Variants in GUCY1A2 observed in about 807,000 individuals in gnomAD.
GUCY1A2 encodes guanylate cyclase soluble subunit alpha-2.
A neutral mutation model predicts 63.5 loss-of-function variants in GUCY1A2; 27 were observed. The observed-to-expected ratio is 0.43, with a 90% CI of 0.31 to 0.59. The LOEUF (loss-of-function observed/expected upper bound fraction) is 0.59, where lower values mean the gene tolerates loss of function less well. Among genes scored for constraint, GUCY1A2 ranks in the 20% least tolerant of loss-of-function variants. The pLI is 0.11. For missense variants in GUCY1A2, 768 were observed against 913.3 expected (o/e 0.84, Z 2.05); for synonymous variants, 364 against 343.5 (o/e 1.06, Z -0.66).
chr11:106,905,502 T>C lies in GUCY1A2; in HGVS notation c.1206+33958A>G, dbSNP rs577714696. On this transcript the variant is annotated intron_variant, in intron 4 of 7. Coordinates refer to ENST00000526355, the MANE Select transcript of GUCY1A2 (RefSeq NM_000855.3). Reference sequence around the variant, plus strand: ...ACTTCTTTAAAGTCCTTATCTCCAATACAGTTACATGAAGGGTACGCCTTC... The same window carrying C: ...ACTTCTTTAAAGTCCTTATCTCCAACACAGTTACATGAAGGGTACGCCTTC... Among the ~76,000 whole-genome samples the C allele has an allele frequency of 1.7e-4, 26 of 152,170 alleles. No individual in the cohort carries two copies. The South Asian group carries it at 3.9e-3, about 23-fold the overall frequency.
chr11:106,866,871 C>T (rs1359799264), intron 4 of GUCY1A2, among the ~76,000 whole-genome samples: 1 of 151,904 alleles, frequency 6.6e-6, no homozygotes, highest in Non-Finnish European at 1.5e-5. Context: ...AATTATGTTG[C>T]CATTAGTTGA....
chr11:106,802,708 C>T (rs1478280380), intron 5 of GUCY1A2, among the ~76,000 whole-genome samples: 7 of 152,080 alleles, frequency 4.6e-5, no homozygotes, highest in Non-Finnish European at 8.8e-5. Flanking sequence ...CTCTTCCTAG[C>T]TTACAAGTGG....
At chr11:106,842,593 A>G (rs1048993405) in intron 4 of GUCY1A2, among the ~76,000 whole-genome samples, 1 of 152,030 alleles carries the variant, frequency 6.6e-6, no homozygotes, top group Non-Finnish European at 1.5e-5. Flanking sequence ...GAAAGGACAA[A>G]ATGAACATCA....
chr11:106,957,009 C>T (rs558734526), intron 3 of GUCY1A2, among the ~76,000 whole-genome samples: 2 of 152,148 alleles, frequency 1.3e-5, no homozygotes, highest in Admixed American at 6.5e-5. Flanking sequence ...CAGGGAAGCC[C>T]CGCCCACTGA....
Position 106,810,451 on chromosome 11 carries a change from G to T in GUCY1A2, c.1234C>A (p.His412Asn). Residue 412 changes from histidine (H) to asparagine (N), a missense_variant, in exon 5 of 8, where the codon CAT becomes AAT. By Grantham distance (68) the His-to-Asn change is moderately conservative. Around this residue, in one of 3 missense-constraint regions of GUCY1A2, gnomAD observed 122 missense variants for 238.1 expected, o/e 0.51. Coordinates refer to ENST00000526355, the MANE Select transcript of GUCY1A2 (RefSeq NM_000855.3). ...KVMEVKGQMI[H>N]VPESNSILFL... is the part of the protein sequence containing the mutation. ...AAAATGGAATTTGATTCTGGAACATGGATCATTTGTCCTTTGACTTCCATC... is the reference window on the plus strand; with the variant it reads ...AAAATGGAATTTGATTCTGGAACATTGATCATTTGTCCTTTGACTTCCATC... The T allele has an allele frequency of 6.2e-7, 1 of 1,608,626 alleles. No individual in the cohort carries two copies. The highest frequency in any genetic ancestry group is 1.3e-5 in the African/African-American group (1 of 74,844).
At chr11:106,719,932 G>T (rs575367753) in intron 6 of GUCY1A2, among the ~76,000 whole-genome samples, 1 of 152,046 alleles carries the variant, frequency 6.6e-6, no homozygotes, top group South Asian at 2.1e-4. Flanking sequence ...AATCATTTTC[G>T]CCAGCATTCT....
In GUCY1A2 at chr11:106,757,963, TC is replaced by T. The variant is rs375116193; in HGVS notation, c.1836+18475del. ...GAAGCTTTGCCCACAGCTACCCCTT[TC>T]CCCAGGTGCTCTGTCCCAGGGAGAT... is the stretch of plus-strand genomic sequence containing the variant. On this transcript the variant is annotated intron_variant, in intron 6 of 7. Transcript: ENST00000526355. Among the ~76,000 whole-genome samples, 109 of 152,296 alleles carry T rather than the reference TC, an allele frequency of 7.2e-4. 1 individual carries two copies. The highest frequency in any genetic ancestry group is 3.4e-3 in the Middle Eastern group (1 of 294).
intron 4 of GUCY1A2, among the ~76,000 whole-genome samples, chr11:106,847,521 A>T (rs1859292769): frequency 6.6e-6 from 1 of 151,456 alleles, no homozygotes; most frequent in African/African-American, 2.4e-5. Context: ...AAGATGAGGC[A>T]AAATAAACAA....
intron 1 of GUCY1A2, among the ~76,000 whole-genome samples, chr11:107,012,502 T>C (rs1480230760): frequency 6.6e-6 from 1 of 152,176 alleles, no homozygotes; most frequent in Admixed American, 6.5e-5. Flanking sequence ...TTGTTATTCC[T>C]AATTCACAAA....
intron 4 of GUCY1A2, among the ~76,000 whole-genome samples, chr11:106,914,042 G>A (rs1860334814): frequency 6.6e-6 from 1 of 151,150 alleles, no homozygotes; most frequent in African/African-American, 2.4e-5. Flanking sequence ...GAGAGAGGGA[G>A]GGAGGCAGGG....
At chr11:106,699,591 G>T (rs533565549) in intron 7 of GUCY1A2, among the ~76,000 whole-genome samples, 1 of 152,026 alleles carries the variant, frequency 6.6e-6, no homozygotes, top group South Asian at 2.1e-4. Flanking sequence ...CTGGAACTAG[G>T]TAATTAACTT....
intron 1 of GUCY1A2, among the ~76,000 whole-genome samples, chr11:106,994,362 A>T (rs549081244): frequency 1.3e-5 from 2 of 152,310 alleles, no homozygotes; most frequent in Admixed American, 1.3e-4. Flanking sequence ...TTTCAATTTG[A>T]TACAAAACCT....
At chr11:106,877,803 T>G (rs7128181) in intron 4 of GUCY1A2, among the ~76,000 whole-genome samples, 106,778 of 152,006 alleles carry the variant, frequency 0.7, 37,876 homozygotes, top group Non-Finnish European at 0.76. Context: ...AAGAGCTTCT[T>G]CACATCAAAA....
chr11:106,698,119 A>ATTTTTTTTTTATTTTTTTATTTTTTT (rs1862751896), intron 7 of GUCY1A2, among the ~76,000 whole-genome samples: 2 of 100,520 alleles, frequency 2.0e-5, no homozygotes, highest in African/African-American at 9.2e-5. Context: ...GAATGTTAGA[A>ATTTTTTTTTTATTTTTTTATTTTTTT]TTTTTTTTTT....
chr11:106,918,841 A>G (rs899921580), intron 4 of GUCY1A2, among the ~76,000 whole-genome samples: 1 of 109,858 alleles, frequency 9.1e-6, no homozygotes, highest in Non-Finnish European at 2.2e-5. Context: ...CAAATAATCA[A>G]TATTAGAAAG....
At chr11:106,910,663 A>G (rs1165464722) in intron 4 of GUCY1A2, among the ~76,000 whole-genome samples, 3 of 151,974 alleles carry the variant, frequency 2.0e-5, no homozygotes, top group African/African-American at 7.2e-5. Context: ...AATTATGCAT[A>G]CTGTTCTCAG....
At chr11:106,854,150 G>C (rs1859394657) in intron 4 of GUCY1A2, among the ~76,000 whole-genome samples, 1 of 152,228 alleles carries the variant, frequency 6.6e-6, no homozygotes, top group South Asian at 2.1e-4. Context: ...TTGGACATTA[G>C]TGGTAGCTGA....
At chr11:106,981,424 T>C (rs1861333052) in intron 2 of GUCY1A2, among the ~76,000 whole-genome samples, 1 of 150,682 alleles carries the variant, frequency 6.6e-6, no homozygotes, top group South Asian at 2.1e-4. Context: ...CAGACTAATA[T>C]GAGTTTGGCA....
At chr11:106,754,179 T>A (rs1240137431) in intron 6 of GUCY1A2, among the ~76,000 whole-genome samples, 1 of 152,196 alleles carries the variant, frequency 6.6e-6, no homozygotes, top group Non-Finnish European at 1.5e-5. Flanking sequence ...TGTATAGGAA[T>A]GCTTGTGATT....
Sources: gnomAD v4.1 joint callset for allele counts (sites outside exome capture counted in the v4.1 genomes callset) on GRCh38, gnomAD v4.1.1 for gene constraint, gnomAD v4.1.1 regional missense constraint, MANE v1.5 for transcripts, NCBI Gene and HGNC (gene_info 2026-07-23, HGNC 2026-07-21) for gene names.